Variants in PLEKHG3 observed in about 807,000 individuals in gnomAD.
The protein encoded by PLEKHG3 is pleckstrin homology domain-containing family G member 3.
A neutral mutation model predicts 94.9 loss-of-function variants in PLEKHG3; 62 were observed. That is an observed-to-expected ratio of 0.65 (90% CI 0.53 to 0.81). PLEKHG3 has a LOEUF of 0.81. Among genes scored for constraint, PLEKHG3 ranks in the 30% least tolerant of loss-of-function variants. PLEKHG3 has a pLI of 0.00. For missense variants in PLEKHG3, 1,461 were observed against 1,619.3 expected (o/e 0.90, Z 1.68); for synonymous variants, 614 against 654.0 (o/e 0.94, Z 0.93).
chr14:64,714,273 TG>T (rs2081103479), intron 1 of PLEKHG3, among the ~76,000 whole-genome samples: 1 of 152,174 alleles, frequency 6.6e-6, no homozygotes, highest in African/African-American at 2.4e-5. Flanking sequence ...ATGAGACATG[TG>T]AGTGGATGGC....
chr14:64,710,313 C>G (rs376933700), intron 1 of PLEKHG3, among the ~76,000 whole-genome samples: 2 of 152,192 alleles, frequency 1.3e-5, no homozygotes, highest in African/African-American at 4.8e-5. Context: ...TTCTCAGACC[C>G]TGTTTAACTT....
In PLEKHG3 at chr14:64,741,076, T is replaced by C; in HGVS notation, c.1559T>C (p.Phe520Ser). The change falls in exon 16 of 17, where the codon TTT (phenylalanine) becomes TCT (serine). Residue 520 changes from phenylalanine (F) to serine (S), a missense_variant. Physicochemically the swap from Phe to Ser is radical, Grantham distance 155. Transcript: ENST00000247226. ...DPEAGSEQEV[F>S]SAVEGPSAEE... ...GAGGCTGGGAGTGAGCAAGAGGTAT[T>C]TTCTGCTGTGGAAGGGCCCAGTGCC... The C allele has an allele frequency of 1.2e-6, 2 of 1,608,288 alleles. No individual in the cohort carries two copies. Among genetic ancestry groups the C allele is most frequent in the Middle Eastern group, 1.7e-4 (1 of 6,042 alleles).
chr14:64,705,344 A>T (rs1402280174), intron 1 of PLEKHG3, among the ~76,000 whole-genome samples: 1 of 152,236 alleles, frequency 6.6e-6, no homozygotes, highest in Non-Finnish European at 1.5e-5. Flanking sequence ...GTGCAAGCTT[A>T]AATTTTTAAG....
chr14:64,748,017 A>G lies in PLEKHG3; in HGVS notation c.*4314A>G, dbSNP rs1318615522. 6.6e-6 allele frequency: 1 copy of G among 151,946 alleles called. No individual in the cohort carries two copies. Among genetic ancestry groups the G allele is most frequent in the Non-Finnish European group, 1.5e-5 (1 of 68,044 alleles). 9.4% of individuals were successfully genotyped at this position (151,946 alleles called of 1,614,324 possible). A position where few individuals can be genotyped will look rare whatever the true frequency, so the allele number is the denominator to read the frequency against. On this transcript the variant is annotated 3_prime_UTR_variant, in exon 17 of 17. Coordinates refer to ENST00000247226, the MANE Select transcript of PLEKHG3 (RefSeq NM_001308147.2). Reference sequence around the variant, plus strand: ...GGTGCTCAGGGCTGGAGGGTGGTAGATATTTGACCTCTGTACTCATGTGAC... The same window carrying G: ...GGTGCTCAGGGCTGGAGGGTGGTAGGTATTTGACCTCTGTACTCATGTGAC...
At position 64,716,496 on chromosome 14, in the gene PLEKHG3, A is replaced by AACACACACACACACAC. The variant is rs58480790; in HGVS notation, c.-39-11057_-39-11042dup. The stretch of plus-strand genomic sequence containing the variant: ...ACACACACACAACACACACACACAC[A>AACACACACACACACAC]ACACACACACACACACACACACACA... On this transcript the variant is annotated intron_variant, in intron 1 of 16. Coordinates refer to ENST00000247226, the MANE Select transcript of PLEKHG3 (RefSeq NM_001308147.2). The surrounding 1 kb of genome is among the most constrained non-coding windows in gnomAD (Gnocchi z 5.0). Among the ~76,000 whole-genome samples the AACACACACACACACAC allele has an allele frequency of 2.6e-3, 203 of 79,526 alleles. 3 individuals carry two copies. Among genetic ancestry groups the AACACACACACACACAC allele is most frequent in the Middle Eastern group, 0.016 (2 of 126 alleles). The allele number at this position is 79,526 out of a possible 152,430, so 52.2% of individuals were successfully genotyped here. A position where few individuals can be genotyped will look rare whatever the true frequency, so the allele number is the denominator to read the frequency against.
At chr14:64,737,435 G>GT in intron 14 of PLEKHG3, 60 bp downstream of exon 14, 2 of 1,199,040 alleles carry the variant, frequency 1.7e-6, no homozygotes, top group Non-Finnish European at 2.3e-6. Flanking sequence ...GCCCAGGTCA[G>GT]CCCCCGGCCC....
intron 1 of PLEKHG3, among the ~76,000 whole-genome samples, chr14:64,710,818 TTTTTTTTTGGAG>T (rs2081056632): frequency 6.6e-6 from 1 of 151,712 alleles, no homozygotes. Flanking sequence ...CGGGGATCTT[TTTTTTTTTGGAG>T]GGAGGGGGTG....
rs561666921 is a variant in PLEKHG3, at chr14:64,715,880, A to G, written c.-40+11176A>G. On this transcript the variant is annotated intron_variant, in intron 1 of 16. Transcript: ENST00000247226. This position sits in a 1 kb window ranked among gnomAD's most constrained non-coding sequence, Gnocchi z 4.4. ...CAGGAATGAGAGAAATGCAGAAAGT[A>G]TGACCCACACGCAGAACTGGTTCTG... 110 of 355,556 alleles carry G rather than the reference A, an allele frequency of 3.1e-4. 2 individuals carry two copies. Among genetic ancestry groups the G allele is most frequent in the South Asian group, 2.0e-3 (101 of 49,822 alleles). The allele number at this position is 355,556 out of a possible 1,614,324, so 22.0% of individuals were successfully genotyped here. A position where few individuals can be genotyped will look rare whatever the true frequency, so the allele number is the denominator to read the frequency against.
In PLEKHG3 at chr14:64,747,606, G is replaced by C; in HGVS notation, c.*3903G>C. ...GGGCCACAGGGTGGAACTGATTTCTGCCGGCACTGGTCAGCACTCAGGGTT... is the reference window on the plus strand; with the variant it reads ...GGGCCACAGGGTGGAACTGATTTCTCCCGGCACTGGTCAGCACTCAGGGTT... On this transcript the variant is annotated 3_prime_UTR_variant, in exon 17 of 17. Transcript: ENST00000247226. 1 of 152,290 alleles carries C rather than the reference G, an allele frequency of 6.6e-6. No homozygotes were observed. Among genetic ancestry groups the C allele is most frequent in the Non-Finnish European group, 1.5e-5 (1 of 68,030 alleles). 9.4% of individuals were successfully genotyped at this position (152,290 alleles called of 1,614,324 possible). A position where few individuals can be genotyped will look rare whatever the true frequency, so the allele number is the denominator to read the frequency against.
At position 64,732,277 on chromosome 14, in the gene PLEKHG3, C is replaced by A. The variant is rs2081482726; in HGVS notation, c.1212+96C>A. 6 of 1,289,196 alleles carry A rather than the reference C, an allele frequency of 4.7e-6. No individual in the cohort carries two copies. The Admixed American group carries it at 8.5e-5, about 18-fold the overall frequency. 79.9% of individuals were successfully genotyped at this position (1,289,196 alleles called of 1,614,324 possible). On this transcript the variant is annotated intron_variant, in intron 10 of 16. Coordinates refer to ENST00000247226, the MANE Select transcript of PLEKHG3 (RefSeq NM_001308147.2). This position sits in a 1 kb window ranked among gnomAD's most constrained non-coding sequence, Gnocchi z 4.9. ...TGGGGGCTCACCTTCTGGATTTGGG[C>A]TCCAGTGGACAGTGAGTGTCAGTAC...
At chr14:64,705,795 G>A (rs559778280) in intron 1 of PLEKHG3, among the ~76,000 whole-genome samples, 1 of 152,358 alleles carries the variant, frequency 6.6e-6, no homozygotes, top group South Asian at 2.1e-4. Context: ...ATGGGATCCT[G>A]AGTGATTAAA....
rs149679502 is a variant in PLEKHG3 at position 64,748,829 on chromosome 14, TCTTC to T, written c.*5130_*5133del. On this transcript the variant is annotated 3_prime_UTR_variant, in exon 17 of 17. Transcript: ENST00000247226. ...GGCTGGCCATGCATTTCCAGTGTCT[TCTTC>T]CTTTCCCCTTTCCCTGGCTGCCACC... 8.0e-3 allele frequency: 1,354 copies of T among 169,152 alleles called. 16 individuals are homozygous for T. Among genetic ancestry groups the T allele is most frequent in the African/African-American group, 0.031 (1,287 of 41,638 alleles). The allele number at this position is 169,152 out of a possible 1,614,324, so 10.5% of individuals were successfully genotyped here. A position where few individuals can be genotyped will look rare whatever the true frequency, so the allele number is the denominator to read the frequency against.
intron 1 of PLEKHG3, among the ~76,000 whole-genome samples, chr14:64,707,785 C>A (rs1229365097): frequency 6.6e-6 from 1 of 152,210 alleles, no homozygotes. Context: ...GTTGGACACA[C>A]CTTGGTTTCA....
chr14:64,736,786 C>G (rs933005536), intron 12 of PLEKHG3, 67 bp from the exon 13 acceptor site: 5 of 1,208,288 alleles, frequency 4.1e-6, no homozygotes, highest in South Asian at 2.4e-5. Flanking sequence ...GCGCTGTGAG[C>G]TTGGGACCCA....
rs1179449956 is a variant in PLEKHG3, at chr14:64,738,719, ATGAC to A, written c.1405-18_1405-15del. 6.0e-6 allele frequency: 9 copies of A among 1,500,130 alleles called. No homozygotes were observed. In the South Asian group the frequency reaches 8.4e-5, roughly 14 times the overall value. The allele number at this position is 1,500,130 out of a possible 1,614,324, so 92.9% of individuals were successfully genotyped here. On this transcript the variant is annotated intron_variant, in intron 14 of 16. Coordinates refer to ENST00000247226, the MANE Select transcript of PLEKHG3 (RefSeq NM_001308147.2). This position sits in a 1 kb window ranked among gnomAD's most constrained non-coding sequence, Gnocchi z 4.8. ...TCAGCTTCCAGTTGTCTTGGAGTTG[ATGAC>A]TGACCTCTACCTCTGCAGGGAAAGG... is the stretch of plus-strand genomic sequence containing the variant.
chr14:64,726,372 G>A lies in PLEKHG3; in HGVS notation c.-39-1221G>A, dbSNP rs1202011084. ...CCCTAGAGCTAGGGGTAGAAGACTC[G>A]GGTCAGTAGGGGTGAGAGGGATGCC... is the stretch of plus-strand genomic sequence containing the variant. On this transcript the variant is annotated intron_variant, in intron 1 of 16. Transcript: ENST00000247226. This position sits in a 1 kb window ranked among gnomAD's most constrained non-coding sequence, Gnocchi z 5.1. Among the ~76,000 whole-genome samples the A allele has an allele frequency of 6.6e-6, 1 of 152,110 alleles. No homozygotes were observed. Among genetic ancestry groups the A allele is most frequent in the Non-Finnish European group, 1.5e-5 (1 of 68,020 alleles).
rs867860448 is a variant in PLEKHG3, at chr14:64,711,421, T to G, written c.-40+6717T>G. On this transcript the variant is annotated intron_variant, in intron 1 of 16. Coordinates refer to ENST00000247226, the MANE Select transcript of PLEKHG3 (RefSeq NM_001308147.2). ...GAAACAAGAATGCTTTTTTTTTGTT[T>G]TTTTTTTTTTGAGACGGAGTCTCAC... is the stretch of plus-strand genomic sequence containing the variant. 8.7e-3 allele frequency among the ~76,000 whole-genome samples: 1,290 copies of G among 147,700 alleles called. 17 individuals are homozygous for G. The highest frequency in any genetic ancestry group is 0.033 in the African/African-American group (1,230 of 37,556).
intron 1 of PLEKHG3, among the ~76,000 whole-genome samples, chr14:64,708,173 G>A (rs1420120439): frequency 6.6e-6 from 1 of 152,170 alleles, no homozygotes; most frequent in African/African-American, 2.4e-5. Context: ...AGATGGCTGA[G>A]GACGTGGGAC....
rs568859406 is a variant in PLEKHG3 at position 64,732,695 on chromosome 14, G to A, written c.1247-108G>A. 1 of 853,696 alleles carries A rather than the reference G, an allele frequency of 1.2e-6. No individual in the cohort carries two copies. Among genetic ancestry groups the A allele is most frequent in the African/African-American group, 1.7e-5 (1 of 58,900 alleles). The allele number at this position is 853,696 out of a possible 1,614,324, so 52.9% of individuals were successfully genotyped here. ...ATGGAGGGAGCTCTGGAGGCTCCTG[G>A]CCCTGGAGCTGGGTGGGTATAGAGG... is the stretch of plus-strand genomic sequence containing the variant. On this transcript the variant is annotated intron_variant, in intron 11 of 16. Transcript: ENST00000247226. The surrounding 1 kb of genome is among the most constrained non-coding windows in gnomAD (Gnocchi z 4.9).
Sources: allele counts gnomAD v4.1 joint callset (sites outside exome capture counted in the v4.1 genomes callset), GRCh38; gene constraint gnomAD v4.1.1; non-coding constraint Gnocchi (gnomAD v3.1); transcripts MANE v1.5; gene names NCBI Gene and HGNC (gene_info 2026-07-23, HGNC 2026-07-21).